Variants in WDR82 observed in about 807,000 individuals in gnomAD.
The protein encoded by WDR82 is WD repeat domain 82.
In WDR82, 8 loss-of-function variants were observed where a neutral mutation model predicts 36.1. That is an observed-to-expected ratio of 0.22 (90% CI 0.13 to 0.40). The LOEUF is 0.40. WDR82 is among the 10% of genes least tolerant of loss of function. The pLI is 1.00. For synonymous variants in WDR82, 129 were observed against 137.8 expected (o/e 0.94, Z 0.45); for missense variants, 185 against 400.5 (o/e 0.46, Z 4.59).
chr3:52,261,862 T>TA (rs1308130757), intron 3 of WDR82, among the ~76,000 whole-genome samples: 1 of 152,088 alleles, frequency 6.6e-6, no homozygotes. Context: ...GAAAAGTTTT[T>TA]CCAAAAAAAG....
intron 2 of WDR82, among the ~76,000 whole-genome samples, chr3:52,268,959 C>T (rs1447649509): frequency 2.6e-5 from 4 of 152,060 alleles, no homozygotes; most frequent in Non-Finnish European, 2.9e-5. Flanking sequence ...GGACTACAGG[C>T]GCGTCCCATC....
chr3:52,267,411 G>A (rs966242042), intron 2 of WDR82: 9 of 200,502 alleles, frequency 4.5e-5, no homozygotes, highest in South Asian at 7.4e-5. Flanking sequence ...AAAATATGTG[G>A]CTGTTGAGCT....
At chr3:52,273,069 C>G (rs1364681992) in intron 1 of WDR82, among the ~76,000 whole-genome samples, 1 of 152,218 alleles carries the variant, frequency 6.6e-6, no homozygotes, top group Non-Finnish European at 1.5e-5. Context: ...TACTTACTCT[C>G]TACATAGTTG....
rs375187419 is a variant in WDR82 at position 52,261,516 on chromosome 3, A to G, written c.327-37T>C. 14 of 1,579,358 alleles carry G rather than the reference A, an allele frequency of 8.9e-6. No individual in the cohort carries two copies. The African/African-American group carries it at 1.6e-4, about 18-fold the overall frequency. ...CGAGATAAATAGGAGTTGATGCGAA[A>G]TATTAGCAAAAATTGGATGTGAATT... is the stretch of plus-strand genomic sequence containing the variant. On this transcript the variant is annotated intron_variant, in intron 3 of 8. Coordinates refer to ENST00000296490, the MANE Select transcript of WDR82 (RefSeq NM_025222.4).
chr3:52,255,602 G>C lies in WDR82; in HGVS notation c.*1888C>G, dbSNP rs1168236621. The stretch of plus-strand genomic sequence containing the variant: ...CACTTTCAGAGGAACAAGTCAAAAA[G>C]TAATTGCTTAAAAAAAAAAAGTGCT... On this transcript the variant is annotated 3_prime_UTR_variant, in exon 9 of 9. Coordinates refer to ENST00000296490, the MANE Select transcript of WDR82 (RefSeq NM_025222.4). 6.6e-6 allele frequency: 1 copy of C among 151,656 alleles called. No individual in the cohort carries two copies. The highest frequency in any genetic ancestry group is 6.6e-5 in the Admixed American group (1 of 15,210). 9.4% of individuals were successfully genotyped at this position (151,656 alleles called of 1,614,324 possible).
At chr3:52,260,907 G>GT in intron 4 of WDR82, among the ~76,000 whole-genome samples, 1 of 152,326 alleles carries the variant, frequency 6.6e-6, no homozygotes, top group Admixed American at 6.5e-5. Flanking sequence ...CAAGGTAGGA[G>GT]GATCACCTGA....
chr3:52,254,439 T>C lies in WDR82; in HGVS notation c.*3051A>G, dbSNP rs1699986250. On this transcript the variant is annotated 3_prime_UTR_variant, in exon 9 of 9. Transcript: ENST00000296490. ...AAGAGGCTGCAGCCATAAAATTCTG[T>C]TTAAGACTGTAACATGGAAAAAATG... The C allele has an allele frequency of 6.6e-6, 1 of 152,636 alleles. No homozygotes were observed. The allele number at this position is 152,636 out of a possible 1,614,324, so 9.5% of individuals were successfully genotyped here. A position where few individuals can be genotyped will look rare whatever the true frequency, so the allele number is the denominator to read the frequency against.
rs1700018976 is a variant in WDR82 at position 52,257,367 on chromosome 3, G to A, written c.*123C>T. 12 of 1,320,348 alleles carry A rather than the reference G, an allele frequency of 9.1e-6. No homozygotes were observed. Among genetic ancestry groups the A allele is most frequent in the South Asian group, 8.4e-5 (7 of 83,322 alleles). The allele number at this position is 1,320,348 out of a possible 1,614,324, so 81.8% of individuals were successfully genotyped here. A position where few individuals can be genotyped will look rare whatever the true frequency, so the allele number is the denominator to read the frequency against. ...AGATGTACAGCACATCCATGGGAAG[G>A]CCATGTAAAAGGATGTTCTCCAGCC... is the stretch of plus-strand genomic sequence containing the variant. On this transcript the variant is annotated 3_prime_UTR_variant, in exon 9 of 9. Transcript: ENST00000296490.
intron 3 of WDR82, among the ~76,000 whole-genome samples, chr3:52,266,743 A>G (rs1229244436): frequency 1.3e-5 from 2 of 152,136 alleles, no homozygotes; most frequent in Non-Finnish European, 2.9e-5. Flanking sequence ...GGGCCTAGTT[A>G]TATTTTAACT....
intron 2 of WDR82, among the ~76,000 whole-genome samples, chr3:52,270,045 C>A (rs1258507558): frequency 2.6e-5 from 4 of 152,190 alleles, no homozygotes; most frequent in Non-Finnish European, 5.9e-5. Context: ...TTTCTCAAAT[C>A]TCTATCATTT....
At chr3:52,261,740 C>T (rs1486988021) in intron 3 of WDR82, among the ~76,000 whole-genome samples, 1 of 152,152 alleles carries the variant, frequency 6.6e-6, no homozygotes, top group Non-Finnish European at 1.5e-5. Flanking sequence ...TACTACTCCA[C>T]ACCCTCTAGC....
chr3:52,255,350 C>G lies in WDR82; in HGVS notation c.*2140G>C, dbSNP rs1699996816. 1 of 152,128 alleles carries G rather than the reference C, an allele frequency of 6.6e-6. No individual in the cohort carries two copies. The highest frequency in any genetic ancestry group is 2.4e-5 in the African/African-American group (1 of 41,418). The allele number at this position is 152,128 out of a possible 1,614,324, so 9.4% of individuals were successfully genotyped here. A position where few individuals can be genotyped will look rare whatever the true frequency, so the allele number is the denominator to read the frequency against. On this transcript the variant is annotated 3_prime_UTR_variant, in exon 9 of 9. Transcript: ENST00000296490. ...TAATGCTTGGTGGCTGCTCTGGTTGCAGATATGTGAAGTTAGGTAGCCTTT... is the reference window on the plus strand; with the variant it reads ...TAATGCTTGGTGGCTGCTCTGGTTGGAGATATGTGAAGTTAGGTAGCCTTT...
chr3:52,259,654 CA>C, intron 6 of WDR82, 62 bp downstream of exon 6: 1 of 1,547,386 alleles, frequency 6.5e-7, no homozygotes. Context: ...AACCAGCTAA[CA>C]TAATTCTTAG....
chr3:52,257,457 T>A lies in WDR82; in HGVS notation c.*33A>T. The A allele has an allele frequency of 6.2e-7, 1 of 1,614,088 alleles. No individual in the cohort carries two copies. Among genetic ancestry groups the A allele is most frequent in the East Asian group, 2.2e-5 (1 of 44,886 alleles). ...CTGAGTTTCTTCCTGCTGGCCGCCC[T>A]CACTATACAGAAATAGCCAAGCAGC... On this transcript the variant is annotated 3_prime_UTR_variant, in exon 9 of 9. Transcript: ENST00000296490.
Position 52,255,800 on chromosome 3 carries a change from C to G in WDR82, c.*1690G>C, listed in dbSNP as rs750797085. The G allele has an allele frequency of 1.2e-4, 19 of 152,218 alleles. No homozygotes were observed. Among genetic ancestry groups the G allele is most frequent in the Non-Finnish European group, 2.6e-4 (18 of 68,092 alleles). The allele number at this position is 152,218 out of a possible 1,614,324, so 9.4% of individuals were successfully genotyped here. On this transcript the variant is annotated 3_prime_UTR_variant, in exon 9 of 9. Transcript: ENST00000296490. ...TTTAGGAACTTAGTAAAATGACATA[C>G]TCCTCTCTCTGCTCTAAGAAGGCCA... is the stretch of plus-strand genomic sequence containing the variant.
Position 52,254,975 on chromosome 3 carries a change from T to C in WDR82, c.*2515A>G, listed in dbSNP as rs2107326440. The C allele has an allele frequency of 6.7e-6, 1 of 150,078 alleles. No individual in the cohort carries two copies. The highest frequency in any genetic ancestry group is 1.5e-5 in the Non-Finnish European group (1 of 67,666). The allele number at this position is 150,078 out of a possible 1,614,324, so 9.3% of individuals were successfully genotyped here. On this transcript the variant is annotated 3_prime_UTR_variant, in exon 9 of 9. Transcript: ENST00000296490. ...TTTTTTTTTTGAGACGGAGTTTTGC[T>C]GTTGTTGCCCAGGCCGGAGTGCAAT...
At position 52,257,163 on chromosome 3, in the gene WDR82, G is replaced by A; in HGVS notation, c.*327C>T. 1 of 367,528 alleles carries A rather than the reference G, an allele frequency of 2.7e-6. No individual in the cohort carries two copies. The highest frequency in any genetic ancestry group is 5.0e-6 in the Non-Finnish European group (1 of 198,488). 22.8% of individuals were successfully genotyped at this position (367,528 alleles called of 1,614,324 possible). A position where few individuals can be genotyped will look rare whatever the true frequency, so the allele number is the denominator to read the frequency against. ...AACTGATGACTTCACCGGCTCCTCA[G>A]CAGCATGTACATTCAAATTGAAGAT... On this transcript the variant is annotated 3_prime_UTR_variant, in exon 9 of 9. Transcript: ENST00000296490.
At chr3:52,259,615 T>A in intron 6 of WDR82, 102 bp downstream of exon 6, 1 of 1,379,822 alleles carries the variant, frequency 7.2e-7, no homozygotes, top group Non-Finnish European at 9.8e-7. Flanking sequence ...CCTTCATGAG[T>A]AAGTCAAGAG....
intron 5 of WDR82, 26 bp from the exon 6 acceptor site, chr3:52,259,898 C>G (rs1559452721): frequency 6.3e-7 from 1 of 1,592,804 alleles, no homozygotes; most frequent in Non-Finnish European, 8.5e-7. Flanking sequence ...AACAGTAGCC[C>G]CAGGCATATT....
Sources: allele counts gnomAD v4.1 joint callset (sites outside exome capture counted in the v4.1 genomes callset), GRCh38; gene constraint gnomAD v4.1.1; transcripts MANE v1.5; gene names NCBI Gene and HGNC (gene_info 2026-07-23, HGNC 2026-07-21).